The following DST variants were observed in gnomAD, a reference collection of about 807,000 sequenced individuals.
DST encodes bullous pemphigoid antigen.
In DST, 253 loss-of-function variants were observed where a neutral mutation model predicts 875.2. The observed-to-expected ratio is 0.29, with a 90% CI of 0.26 to 0.32. The LOEUF (loss-of-function observed/expected upper bound fraction) is 0.32. DST is among the 10% of genes least tolerant of loss of function. The pLI, the probability that DST is intolerant of heterozygous loss-of-function variation, is 1.00. For synonymous variants in DST, 3,124 were observed against 3,197.1 expected, an observed-to-expected ratio of 0.98 and a Z score of 0.77; for missense variants, 8,287 against 9,111.6, an observed-to-expected ratio of 0.91 and a Z score of 3.68.
rs371690566 is a variant in DST at position 56,554,107 on chromosome 6, C to T, written c.15137-452G>A. On this transcript the variant is annotated intron_variant, in intron 60 of 103. Transcript: ENST00000680361. ...TTTTTTTTTTTTTTTTTTTTTGAGGCAGAGTCTCGCTCTGTCACCCAGACT... is the reference window on the plus strand; with the variant it reads ...TTTTTTTTTTTTTTTTTTTTTGAGGTAGAGTCTCGCTCTGTCACCCAGACT... Among the ~76,000 whole-genome samples the T allele has an allele frequency of 7.5e-4, 72 of 96,358 alleles. 1 individual carries two copies. The highest frequency in any genetic ancestry group is 2.7e-3 in the African/African-American group (65 of 24,110). 63.2% of individuals were successfully genotyped at this position (96,358 alleles called of 152,430 possible).
intron 34 of DST, among the ~76,000 whole-genome samples, chr6:56,625,498 T>A (rs2098724967): frequency 6.6e-6 from 1 of 152,068 alleles, no homozygotes; most frequent in South Asian, 2.1e-4. Context: ...GGTAGCCCCA[T>A]AAAATTATAA....
Position 56,573,679 on chromosome 6 carries a change from A to C in DST, c.13236T>G (p.Ile4412Met). Residue 4412 changes from isoleucine (I) to methionine (M), a missense_variant and splice_region_variant, in exon 51 of 104, where the codon ATT becomes ATG. Ile to Met is a conservative substitution (Grantham distance 10, BLOSUM62 1). Coordinates refer to ENST00000680361, the MANE Select transcript of DST (RefSeq NM_001374736.1). ...GGGACTTTTTTTTAAAGTCACTTAC[A>C]ATGTTTTTACTGATAATATCCTGAA... Reference protein sequence around the residue: ...TALQDIISKNIMLEQDIAGRQ... With the variant: ...TALQDIISKNMMLEQDIAGRQ... The C allele has an allele frequency of 6.2e-7, 1 of 1,607,950 alleles. No individual in the cohort carries two copies. The highest frequency in any genetic ancestry group is 2.2e-5 in the East Asian group (1 of 44,834).
chr6:56,894,380 A>G (rs1204362432), intron 3 of DST, among the ~76,000 whole-genome samples: 5 of 90,384 alleles, frequency 5.5e-5, no homozygotes, highest in East Asian at 3.1e-4. Flanking sequence ...TCCCTCCCGG[A>G]CGGGGCGGCT....
At chr6:56,696,654 C>G (rs942866120) in intron 9 of DST, among the ~76,000 whole-genome samples, 2 of 152,172 alleles carry the variant, frequency 1.3e-5, no homozygotes, top group Non-Finnish European at 2.9e-5. Context: ...TCTCTGCTCC[C>G]AGGAGCTTGG....
chr6:56,604,559 C>T lies in DST; in HGVS notation c.10069G>A (p.Asp3357Asn). 1 of 1,611,984 alleles carries T rather than the reference C, an allele frequency of 6.2e-7. No individual in the cohort carries two copies. Among genetic ancestry groups the T allele is most frequent in the Non-Finnish European group, 8.5e-7 (1 of 1,178,978 alleles). ...LSQVFVEDVK[D>N]ILKSRLKEGH... is the part of the protein sequence containing the mutation. Reference sequence around the variant, plus strand: ...TCTTTCAACCTGCTTTTTAAGATATCCTTTACATCCTCCACAAATACCTGA... The same window carrying T: ...TCTTTCAACCTGCTTTTTAAGATATTCTTTACATCCTCCACAAATACCTGA... The change falls in exon 40 of 104, where the codon GAT (aspartate) becomes AAT (asparagine). Residue 3357 changes from aspartate to asparagine, a missense_variant. Transcript: ENST00000680361.
At chr6:56,479,804 T>C (rs115435845) in intron 90 of DST, among the ~76,000 whole-genome samples, 2,680 of 152,196 alleles carry the variant, frequency 0.018, 73 homozygotes, top group African/African-American at 0.06. Flanking sequence ...GGCCTGAGAG[T>C]TGAAACATTA....
intron 3 of DST, among the ~76,000 whole-genome samples, chr6:56,857,661 A>T (rs1562198555): frequency 1.3e-5 from 2 of 152,264 alleles, no homozygotes; most frequent in Non-Finnish European, 2.9e-5. Context: ...AAAACAGAAA[A>T]TTTTTTCTCC....
At chr6:56,953,687 T>C in intron 2 of DST, 98 bp downstream of exon 2, 3 of 858,886 alleles carry the variant, frequency 3.5e-6, no homozygotes, top group Non-Finnish European at 4.9e-6. Context: ...TGTTCGTCAT[T>C]CAGTGTCCTA....
Position 56,604,769 on chromosome 6 carries a change from C to T in DST, c.9859G>A (p.Asp3287Asn). The change falls in exon 40 of 104, where the codon GAT (aspartate) becomes AAT (asparagine). Residue 3287 changes from aspartate to asparagine, a missense_variant. This residue lies in a region of DST where 3,138 missense variants were observed against 3,116.6 expected (regional missense o/e 1.01). Coordinates refer to ENST00000680361, the MANE Select transcript of DST (RefSeq NM_001374736.1). ...RKHVEDVGKN[D>N]FLQSERCANG... ...GCACACCGCTCCGACTGCAGAAAAT[C>T]ATTTTTCCCAACATCTTCTACATGT... The T allele has an allele frequency of 6.2e-7, 1 of 1,612,810 alleles. No individual in the cohort carries two copies. Among genetic ancestry groups the T allele is most frequent in the East Asian group, 2.2e-5 (1 of 44,850 alleles).
chr6:56,525,803 C>T (rs1284655427), intron 69 of DST, among the ~76,000 whole-genome samples: 1 of 152,140 alleles, frequency 6.6e-6, no homozygotes, highest in Non-Finnish European at 1.5e-5. Flanking sequence ...GGGCTGAATG[C>T]CTATAAAACT....
intron 49 of DST, among the ~76,000 whole-genome samples, chr6:56,585,080 C>T (rs1209551297): frequency 6.6e-6 from 1 of 152,144 alleles, no homozygotes; most frequent in African/African-American, 2.4e-5. Flanking sequence ...CTCTGCCCGG[C>T]TTTGGGATCA....
intron 98 of DST, chr6:56,467,029 G>T (rs2094608581): frequency 6.6e-6 from 1 of 152,042 alleles, no homozygotes; most frequent in African/African-American, 2.4e-5. Context: ...TAGATTCCAG[G>T]TTTCTGATCA....
At chr6:56,674,980 C>G (rs2099121355) in intron 9 of DST, among the ~76,000 whole-genome samples, 3 of 152,120 alleles carry the variant, frequency 2.0e-5, no homozygotes, top group Admixed American at 2.0e-4. Context: ...ATGAACAAAC[C>G]TGGAAGCGTC....
chr6:56,783,368 T>G lies in DST; in HGVS notation c.626-48079A>C, dbSNP rs1366769756. The stretch of plus-strand genomic sequence containing the variant: ...TATTGTGTGGGAGTCTAAGTCTCCT[T>G]GTAGGTCACTCAGGACTTGCTTTAT... On this transcript the variant is annotated intron_variant, in intron 4 of 103. Transcript: ENST00000680361. Among the ~76,000 whole-genome samples the G allele has an allele frequency of 7.2e-5, 11 of 152,156 alleles. No individual in the cohort carries two copies. In the South Asian group the frequency reaches 2.3e-3, roughly 32 times the overall value.
Position 56,526,516 on chromosome 6 carries a change from C to T in DST, c.17974G>A (p.Glu5992Lys), listed in dbSNP as rs1272059049. The T allele has an allele frequency of 1.2e-6, 2 of 1,613,654 alleles. No homozygotes were observed. The highest frequency in any genetic ancestry group is 2.7e-5 in the African/African-American group (2 of 74,882). Residue 5992 changes from glutamate to lysine, a missense_variant, in exon 69 of 104, where the codon GAA (glutamate) becomes AAA (lysine). Transcript: ENST00000680361. ...AGTTCCAGCAAAGCACTGCTCACTT[C>T]ATTAAGGGAGTCCAGTAAGGCTTTG... is the stretch of plus-strand genomic sequence containing the variant. Reference protein sequence around the residue: ...NNKALLDSLNEVSSALLELVP... With the variant: ...NNKALLDSLNKVSSALLELVP...
chr6:56,922,621 A>C (rs575413361), intron 2 of DST, among the ~76,000 whole-genome samples: 1 of 152,178 alleles, frequency 6.6e-6, no homozygotes, highest in South Asian at 2.1e-4. Context: ...AGCAAGCAAA[A>C]TGGGGCCCCA....
intron 4 of DST, chr6:56,843,160 A>G: frequency 6.4e-7 from 1 of 1,551,284 alleles, no homozygotes; most frequent in Non-Finnish European, 8.8e-7. Context: ...AAGTTTATCT[A>G]AGCGATGACT....
At chr6:56,794,971 G>A (rs2099737163) in intron 4 of DST, among the ~76,000 whole-genome samples, 1 of 152,142 alleles carries the variant, frequency 6.6e-6, no homozygotes, top group African/African-American at 2.4e-5. Context: ...CACACAGATA[G>A]CGAGTCCATA....
At chr6:56,669,595 CAAA>C (rs531095657) in intron 10 of DST, among the ~76,000 whole-genome samples, 6 of 89,318 alleles carry the variant, frequency 6.7e-5, no homozygotes, top group Admixed American at 1.3e-4. Context: ...GACTTCATCT[CAAA>C]AAAAAAAAAA....
Sources: allele counts gnomAD v4.1 joint callset (sites outside exome capture counted in the v4.1 genomes callset), GRCh38; gene constraint gnomAD v4.1.1; regional missense constraint gnomAD v4.1.1; transcripts MANE v1.5; gene names NCBI Gene and HGNC (gene_info 2026-07-23, HGNC 2026-07-21).